Variants in VPS13A observed in about 807,000 individuals in gnomAD.
The protein encoded by VPS13A is intermembrane lipid transfer protein VPS13A.
In VPS13A, 264 loss-of-function variants were observed where a neutral mutation model predicts 390.9. That is an observed-to-expected ratio of 0.68 (90% CI 0.61 to 0.75). The LOEUF (loss-of-function observed/expected upper bound fraction) is 0.75. Among genes scored for constraint, VPS13A ranks in the 30% least tolerant of loss-of-function variants. VPS13A has a pLI of 0.00. For missense variants in VPS13A, 3,409 were observed against 3,733.9 expected (o/e 0.91, Z 2.27); for synonymous variants, 1,231 against 1,227.1 (o/e 1.00, Z -0.07).
chr9:77,345,237 A>C, intron 52 of VPS13A, 95 bp downstream of exon 52: 2 of 1,306,220 alleles, frequency 1.5e-6, no homozygotes, highest in Middle Eastern at 2.0e-4. Flanking sequence ...ATAAACACTG[A>C]TAATAGCATT....
At position 77,238,205 on chromosome 9, in the gene VPS13A, T is replaced by A. The variant is rs2131231044; in HGVS notation, c.1785+14T>A. ...ATATATGATGCAGTAAGCATTTTTT[T>A]AAATTACTAAGTTTTAATATAATTT... On this transcript the variant is annotated intron_variant, in intron 18 of 71. Transcript: ENST00000360280. 2 of 1,610,676 alleles carry A rather than the reference T, an allele frequency of 1.2e-6. No homozygotes were observed. The highest frequency in any genetic ancestry group is 2.2e-5 in the East Asian group (1 of 44,782).
chr9:77,382,334 C>T (rs1319279713), intron 68 of VPS13A: 7 of 1,536,868 alleles, frequency 4.6e-6, no homozygotes, highest in Non-Finnish European at 5.3e-6. Flanking sequence ...TGAAAGCCAA[C>T]AGTAGATTTT....
chr9:77,285,042 T>A (rs995213634), intron 31 of VPS13A, among the ~76,000 whole-genome samples: 1 of 152,148 alleles, frequency 6.6e-6, no homozygotes, highest in African/African-American at 2.4e-5. Flanking sequence ...AGGTTAAAAA[T>A]TCAGTTTACA....
intron 22 of VPS13A, among the ~76,000 whole-genome samples, chr9:77,254,082 T>C (rs111544296): frequency 7.5e-4 from 113 of 151,510 alleles, no homozygotes; most frequent in African/African-American, 2.7e-3. Context: ...TAGCTGGGAC[T>C]ACAGGCGCCC....
chr9:77,245,194 C>T (rs1476220331), intron 19 of VPS13A, among the ~76,000 whole-genome samples: 2 of 152,186 alleles, frequency 1.3e-5, no homozygotes, highest in Non-Finnish European at 2.9e-5. Flanking sequence ...TTAAAAACAA[C>T]TTAGAGAAAT....
intron 46 of VPS13A, among the ~76,000 whole-genome samples, chr9:77,333,022 A>T (rs1263440871): frequency 6.6e-6 from 1 of 152,162 alleles, no homozygotes; most frequent in Non-Finnish European, 1.5e-5. Flanking sequence ...TTGCTGAGGG[A>T]AAGAATTGTA....
chr9:77,313,340 T>C (rs138317713), intron 35 of VPS13A, among the ~76,000 whole-genome samples: 189 of 152,266 alleles, frequency 1.2e-3, no homozygotes, highest in African/African-American at 4.4e-3. Context: ...AGTGACTATG[T>C]GGAAATATAC....
intron 3 of VPS13A, among the ~76,000 whole-genome samples, chr9:77,202,670 C>T (rs889421564): frequency 6.6e-6 from 1 of 152,084 alleles, no homozygotes; most frequent in Non-Finnish European, 1.5e-5. Flanking sequence ...AACCTCAATT[C>T]AAGAACAGTC....
At chr9:77,275,983 C>CAT in intron 25 of VPS13A, 82 bp from the exon 26 acceptor site, 1 of 1,391,298 alleles carries the variant, frequency 7.2e-7, no homozygotes, top group Non-Finnish European at 1.0e-6. Context: ...ATGTATACCT[C>CAT]ATATATTCAC....
At chr9:77,298,504 T>C (rs545435410) in intron 33 of VPS13A, among the ~76,000 whole-genome samples, 1 of 152,302 alleles carries the variant, frequency 6.6e-6, no homozygotes, top group African/African-American at 2.4e-5. Flanking sequence ...GCTGATATTG[T>C]TAACCATGAA....
chr9:77,383,831 T>C (rs1833559548), intron 68 of VPS13A, among the ~76,000 whole-genome samples: 1 of 151,844 alleles, frequency 6.6e-6, no homozygotes, highest in Non-Finnish European at 1.5e-5. Flanking sequence ...CCATTACTTG[T>C]TTTTCAGCAA....
rs554114839 is a variant in VPS13A at position 77,263,133 on chromosome 9, G to A, written c.2427+2909G>A. Among the ~76,000 whole-genome samples the A allele has an allele frequency of 2.0e-5, 3 of 147,900 alleles. No homozygotes were observed. The Admixed American group carries it at 2.1e-4, about 10-fold the overall frequency. ...TTTTTTTTTTTTTTTTTGAGACGGA[G>A]TCTCGCTTTGTCGCCCAGCCTGGAG... is the stretch of plus-strand genomic sequence containing the variant. On this transcript the variant is annotated intron_variant, in intron 23 of 71. Transcript: ENST00000360280.
In VPS13A at chr9:77,221,244, G is replaced by A; in HGVS notation, c.1049G>A (p.Trp350Ter). The A allele has an allele frequency of 6.2e-7, 1 of 1,613,364 alleles. No homozygotes were observed. The highest frequency in any genetic ancestry group is 1.1e-5 in the South Asian group (1 of 91,074). ...AATGTTTGCCCCAGGTTATGGATGT[G>A]GTCATGGAAGCATATTAGAAAACAT... ...EVNVCPRLWM[W>*]SWKHIRKHRQ... The change falls in exon 13 of 72, where the codon TGG becomes TAG. Residue 350 changes from tryptophan to a stop codon, truncating the protein, a stop_gained. Coordinates refer to ENST00000360280, the MANE Select transcript of VPS13A (RefSeq NM_033305.3). LOFTEE classifies it high-confidence loss of function.
chr9:77,219,509 C>G (rs915798833), intron 10 of VPS13A, among the ~76,000 whole-genome samples: 1 of 151,950 alleles, frequency 6.6e-6, no homozygotes, highest in African/African-American at 2.4e-5. Context: ...TCTCCTTTTA[C>G]CAATTAAAAG....
chr9:77,341,494 T>G (rs1193691198), intron 50 of VPS13A, among the ~76,000 whole-genome samples: 1 of 152,148 alleles, frequency 6.6e-6, no homozygotes, highest in African/African-American at 2.4e-5. Flanking sequence ...TTAATGTATT[T>G]CATGCTTTCT....
chr9:77,401,274 A>ACTT (rs928042172), intron 68 of VPS13A, among the ~76,000 whole-genome samples: 10 of 150,736 alleles, frequency 6.6e-5, no homozygotes, highest in Non-Finnish European at 1.2e-4. Context: ...TTGACAAATC[A>ACTT]CTTCTTACCT....
Position 77,417,108 on chromosome 9 carries a change from T to G in VPS13A, c.*1102T>G, listed in dbSNP as rs915338047. ...TTTCTTGGTTTTTGTCCAAGATCTT[T>G]GCACCTTAATATTAATGGACTGTTT... On this transcript the variant is annotated 3_prime_UTR_variant, in exon 72 of 72. Transcript: ENST00000360280. 5 of 152,200 alleles carry G rather than the reference T, an allele frequency of 3.3e-5. No individual in the cohort carries two copies. The highest frequency in any genetic ancestry group is 1.2e-4 in the African/African-American group (5 of 41,452). 9.4% of individuals were successfully genotyped at this position (152,200 alleles called of 1,614,324 possible).
chr9:77,275,679 GC>G, intron 25 of VPS13A, 27 bp downstream of exon 25: 1 of 1,603,360 alleles, frequency 6.2e-7, no homozygotes, highest in Non-Finnish European at 8.5e-7. Flanking sequence ...AATTAACATG[GC>G]TTAATTTGTT....
At chr9:77,371,651 T>C (rs138796879) in intron 67 of VPS13A, among the ~76,000 whole-genome samples, 61 of 143,754 alleles carry the variant, frequency 4.2e-4, no homozygotes, top group African/African-American at 1.4e-3. Context: ...CTAATTCATT[T>C]TGATTTTTTT....
Sources: gnomAD v4.1 joint callset for allele counts (sites outside exome capture counted in the v4.1 genomes callset) on GRCh38, gnomAD v4.1.1 for gene constraint, MANE v1.5 for transcripts, NCBI Gene and HGNC (gene_info 2026-07-23, HGNC 2026-07-21) for gene names.